Variants in PCDHGA4 observed in about 807,000 individuals in gnomAD.
The protein encoded by PCDHGA4 is protocadherin gamma subfamily A, 4, also known as protocadherin gamma-A4.
PCDHGA4 carries 38 observed loss-of-function variants against 54.6 expected under a neutral mutation model. The observed-to-expected ratio is 0.70, with a 90% confidence interval of 0.54 to 0.91. PCDHGA4 has a LOEUF of 0.91. Ranked by LOEUF, PCDHGA4 falls within the 40% of genes least tolerant of loss-of-function variation. The pLI, the probability that PCDHGA4 is intolerant of heterozygous loss-of-function variation, is 0.00. For missense variants in PCDHGA4, 1,298 were observed against 1,220.9 expected (o/e 1.06, Z -0.94); for synonymous variants, 511 against 512.9 (o/e 1.00, Z 0.05).
In PCDHGA4 at chr5:141,491,841, A is replaced by T. The variant is rs995010359; in HGVS notation, c.2515-2966A>T. The T allele has an allele frequency of 1.4e-6, 2 of 1,465,172 alleles. No homozygotes were observed. The highest frequency in any genetic ancestry group is 1.4e-5 in the African/African-American group (1 of 69,948). 90.8% of individuals were successfully genotyped at this position (1,465,172 alleles called of 1,614,324 possible). ...TGCGCTCCACCCGATTCTCGGGATC[A>T]TTGGACCGTTTGCGCGAAACCAGAG... is the stretch of plus-strand genomic sequence containing the variant. On this transcript the variant is annotated intron_variant, in intron 1 of 3. Transcript: ENST00000571252. The surrounding 1 kb of genome is among the most constrained non-coding windows in gnomAD (Gnocchi z 6.9).
intron 1 of PCDHGA4, among the ~76,000 whole-genome samples, chr5:141,446,315 G>A (rs556077331): frequency 6.6e-6 from 1 of 152,188 alleles, no homozygotes; most frequent in East Asian, 1.9e-4. Context: ...TGATTCCTGG[G>A]TTTCCACATT....
intron 1 of PCDHGA4, among the ~76,000 whole-genome samples, chr5:141,453,850 CT>C (rs1465668273): frequency 1.3e-5 from 2 of 152,148 alleles, no homozygotes; most frequent in Non-Finnish European, 2.9e-5. Context: ...CCACAGAGCA[CT>C]TTGAAAATAA....
Position 141,511,400 on chromosome 5 carries a change from T to C in PCDHGA4, c.*227T>C. The C allele has an allele frequency of 2.0e-6, 2 of 982,250 alleles. No individual in the cohort carries two copies. Among genetic ancestry groups the C allele is most frequent in the Non-Finnish European group, 2.9e-6 (2 of 688,054 alleles). The allele number at this position is 982,250 out of a possible 1,614,324, so 60.8% of individuals were successfully genotyped here. On this transcript the variant is annotated 3_prime_UTR_variant, in exon 4 of 4. Coordinates refer to ENST00000571252, the MANE Select transcript of PCDHGA4 (RefSeq NM_018917.4). ...AGTTCCGCTGGGAACCCCCATCCAA[T>C]CAACTGCTGTACCCATGGGGGTAGT...
intron 1 of PCDHGA4, chr5:141,383,938 G>A: frequency 6.2e-7 from 1 of 1,613,866 alleles, no homozygotes; most frequent in Non-Finnish European, 8.5e-7. Context: ...TGCTCCAGAA[G>A]TGACTATGAC....
intron 1 of PCDHGA4, chr5:141,393,894 C>T (rs201697840): frequency 6.2e-7 from 1 of 1,614,000 alleles, no homozygotes. Flanking sequence ...AGAAAATTCT[C>T]TTCCCGGGAC....
At position 141,388,901 on chromosome 5, in the gene PCDHGA4, T is replaced by G. The variant is rs776637275; in HGVS notation, c.2514+31280T>G. The G allele has an allele frequency of 2.5e-6, 4 of 1,613,722 alleles. No homozygotes were observed. The African/African-American group carries it at 5.3e-5, about 22-fold the overall frequency. On this transcript the variant is annotated intron_variant, in intron 1 of 3. Coordinates refer to ENST00000571252, the MANE Select transcript of PCDHGA4 (RefSeq NM_018917.4). ...TGGAGGTAGAAGTCATAGATGAAAA[T>G]GACAACGCCCCAGAAGTGATATTCC...
intron 1 of PCDHGA4, chr5:141,384,848 G>C (rs1373934020): frequency 1.2e-6 from 2 of 1,613,600 alleles, no homozygotes; most frequent in South Asian, 2.2e-5. Flanking sequence ...CAGGACCACG[G>C]TCAGCCTCCT....
chr5:141,397,988 C>A, intron 1 of PCDHGA4: 2 of 1,327,490 alleles, frequency 1.5e-6, no homozygotes, highest in Non-Finnish European at 1.0e-6. Flanking sequence ...CTTTACACCG[C>A]TTCCTCCTCG....
Position 141,373,901 on chromosome 5 carries a change from C to T in PCDHGA4, c.2514+16280C>T. ...AATCAACGGAAACTCAAGTTACATCCTCCAACAACAAAGCAAATTAGACGG... is the reference window on the plus strand; with the variant it reads ...AATCAACGGAAACTCAAGTTACATCTTCCAACAACAAAGCAAATTAGACGG... On this transcript the variant is annotated intron_variant, in intron 1 of 3. Coordinates refer to ENST00000571252, the MANE Select transcript of PCDHGA4 (RefSeq NM_018917.4). 5.3e-6 allele frequency: 3 copies of T among 568,614 alleles called. No homozygotes were observed. In the East Asian group the frequency reaches 9.4e-5, roughly 18 times the overall value. The allele number at this position is 568,614 out of a possible 1,614,324, so 35.2% of individuals were successfully genotyped here.
intron 1 of PCDHGA4, chr5:141,393,020 A>G: frequency 2.5e-6 from 4 of 1,613,760 alleles, no homozygotes; most frequent in Non-Finnish European, 3.4e-6. Flanking sequence ...TCGTCTCCAG[A>G]GGTAGGACGC....
At chr5:141,387,637 G>A (rs1397986235) in intron 1 of PCDHGA4, 14 of 603,144 alleles carry the variant, frequency 2.3e-5, no homozygotes, top group Non-Finnish European at 3.7e-5. Context: ...GGGCGCCGCT[G>A]TTGGCCAAAG....
intron 1 of PCDHGA4, chr5:141,392,578 A>G: frequency 2.2e-6 from 1 of 461,792 alleles, no homozygotes; most frequent in Non-Finnish European, 3.8e-6. Context: ...TTAGGACTGT[A>G]AGCGCCGCTG....
intron 1 of PCDHGA4, chr5:141,423,243 C>G (rs2096724455): frequency 6.2e-7 from 1 of 1,613,842 alleles, no homozygotes. Flanking sequence ...TCCCCGAAGT[C>G]CTGGCGGACC....
At chr5:141,475,997 G>A in intron 1 of PCDHGA4, 2 of 1,184,406 alleles carry the variant, frequency 1.7e-6, no homozygotes, top group East Asian at 2.4e-5. Flanking sequence ...CAAATCAACG[G>A]CATCCAGAAA....
At chr5:141,388,228 A>G (rs768450383) in intron 1 of PCDHGA4, 9 of 1,605,464 alleles carry the variant, frequency 5.6e-6, no homozygotes, top group Non-Finnish European at 7.7e-6. Context: ...AATCCACTGA[A>G]CTTTTATCAC....
chr5:141,474,093 C>G (rs2099341169), intron 1 of PCDHGA4, among the ~76,000 whole-genome samples: 1 of 152,098 alleles, frequency 6.6e-6, no homozygotes, highest in African/African-American at 2.4e-5. Flanking sequence ...AAAAAACAAA[C>G]AACAACAAAA....
At chr5:141,464,228 G>A (rs1196103285) in intron 1 of PCDHGA4, among the ~76,000 whole-genome samples, 1 of 148,156 alleles carries the variant, frequency 6.7e-6, no homozygotes, top group African/African-American at 2.5e-5. Context: ...TTGCGCCACT[G>A]CACTCCAGCC....
At chr5:141,364,973 T>G (rs752099711) in intron 1 of PCDHGA4, 1 of 1,613,760 alleles carries the variant, frequency 6.2e-7, no homozygotes, top group Non-Finnish European at 8.5e-7. Flanking sequence ...CCTCACAGCT[T>G]TAGATGGCGG....
At position 141,383,086 on chromosome 5, in the gene PCDHGA4, G is replaced by A. The variant is rs373805952; in HGVS notation, c.2514+25465G>A. 3.1e-6 allele frequency: 5 copies of A among 1,613,788 alleles called. No individual in the cohort carries two copies. The African/African-American group carries it at 6.7e-5, about 22-fold the overall frequency. On this transcript the variant is annotated intron_variant, in intron 1 of 3. Transcript: ENST00000571252. ...GGAGCCCCGGGAGCTGGCGGAGCGC[G>A]GAGTCCGCATCATCTCCAGAGGTAG...
Sources: allele counts gnomAD v4.1 joint callset (sites outside exome capture counted in the v4.1 genomes callset), GRCh38; gene constraint gnomAD v4.1.1; non-coding constraint Gnocchi (gnomAD v3.1); transcripts MANE v1.5; gene names NCBI Gene and HGNC (gene_info 2026-07-23, HGNC 2026-07-21).